CNTN4: variants seen among roughly 807,000 people sequenced by gnomAD.
The protein encoded by CNTN4 is contactin-4.
CNTN4 carries 77 observed loss-of-function variants against 122.5 expected under a neutral mutation model. The ratio of observed to expected loss-of-function variants is 0.63; its 90% CI spans 0.52 to 0.76. CNTN4 has a LOEUF of 0.76. Ranked by LOEUF, CNTN4 falls within the 30% of genes least tolerant of loss-of-function variation. CNTN4 has a pLI of 0.00. For synonymous variants in CNTN4, 512 were observed against 447.0 expected (o/e 1.15, Z -1.83); for missense variants, 1,256 against 1,259.1 (o/e 1.00, Z 0.04).
At position 2,834,844 on chromosome 3, in the gene CNTN4, G is replaced by GT. The variant is rs544464317; in HGVS notation, c.454+15267dup. 3.5e-5 allele frequency among the ~76,000 whole-genome samples: 5 copies of GT among 141,284 alleles called. No homozygotes were observed. In the South Asian group the frequency reaches 1.2e-3, roughly 34 times the overall value. 92.7% of individuals were successfully genotyped at this position (141,284 alleles called of 152,430 possible). ...AAAATAAATGAGGGCAGAATTATTA[G>GT]TTTTAGACCAAGCATTATTCAAATA... On this transcript the variant is annotated intron_variant, in intron 7 of 24. Coordinates refer to ENST00000418658, the MANE Select transcript of CNTN4 (RefSeq NM_175607.3).
intron 3 of CNTN4, among the ~76,000 whole-genome samples, chr3:2,481,051 TTCTTTCTTTCTC>T (rs1309964384): frequency 8.0e-4 from 116 of 145,312 alleles, no homozygotes; most frequent in African/African-American, 2.8e-3. Flanking sequence ...CTTTCTTTCT[TTCTTTCTTTCTC>T]TCTTTCTCTC....
chr3:2,266,363 T>G (rs947832140), intron 2 of CNTN4, among the ~76,000 whole-genome samples: 1 of 152,142 alleles, frequency 6.6e-6, no homozygotes, highest in African/African-American at 2.4e-5. Context: ...GATTTCTCCT[T>G]AAAAATGAGT....
chr3:2,558,246 G>T (rs1013644092), intron 3 of CNTN4, among the ~76,000 whole-genome samples: 6 of 152,104 alleles, frequency 3.9e-5, no homozygotes, highest in African/African-American at 1.2e-4. Flanking sequence ...ACTGACATTG[G>T]TATAACACTG....
At chr3:2,161,668 G>A (rs185963144) in intron 2 of CNTN4, among the ~76,000 whole-genome samples, 53 of 152,274 alleles carry the variant, frequency 3.5e-4, no homozygotes, top group African/African-American at 1.3e-3. Context: ...GAAAAAGACC[G>A]ATTGAAATGA....
intron 3 of CNTN4, among the ~76,000 whole-genome samples, chr3:2,448,214 A>G (rs1280683570): frequency 2.0e-5 from 3 of 152,212 alleles, no homozygotes; most frequent in Non-Finnish European, 2.9e-5. Flanking sequence ...TGGGGCACGC[A>G]AGAGAAAGAG....
intron 3 of CNTN4, among the ~76,000 whole-genome samples, chr3:2,402,942 A>G (rs982274441): frequency 2.0e-5 from 3 of 152,110 alleles, no homozygotes; most frequent in Admixed American, 2.0e-4. Context: ...TGGAGCTGCC[A>G]CAAACTGGGT....
intron 2 of CNTN4, among the ~76,000 whole-genome samples, chr3:2,101,138 C>T (rs545755178): frequency 4.6e-5 from 7 of 152,292 alleles, no homozygotes; most frequent in African/African-American, 1.2e-4. Context: ...AGAGAACAAA[C>T]CTTTCAAATG....
At chr3:2,934,466 C>G (rs1365093833) in intron 13 of CNTN4, among the ~76,000 whole-genome samples, 1 of 152,258 alleles carries the variant, frequency 6.6e-6, no homozygotes, top group Admixed American at 6.5e-5. Flanking sequence ...GGCTGCACAA[C>G]TCTGTGTTGC....
intron 2 of CNTN4, among the ~76,000 whole-genome samples, chr3:2,276,966 T>C (rs2149861664): frequency 6.6e-6 from 1 of 152,214 alleles, no homozygotes; most frequent in Non-Finnish European, 1.5e-5. Context: ...TCAGTTGCTT[T>C]AAAAAAATCC....
chr3:3,002,920 G>A (rs1696192090), intron 14 of CNTN4, among the ~76,000 whole-genome samples: 1 of 152,166 alleles, frequency 6.6e-6, no homozygotes. Context: ...TTTAAATCGT[G>A]TGGGCAGTTT....
At chr3:2,939,663 T>A (rs1213400126) in intron 13 of CNTN4, among the ~76,000 whole-genome samples, 2 of 152,206 alleles carry the variant, frequency 1.3e-5, no homozygotes, top group Admixed American at 6.5e-5. Context: ...CAAGATCACT[T>A]ACCCAAACTG....
chr3:2,709,575 A>G lies in CNTN4; in HGVS notation c.56-26640A>G, dbSNP rs1485192773. Among the ~76,000 whole-genome samples the G allele has an allele frequency of 6.6e-6, 1 of 152,184 alleles. No homozygotes were observed. The highest frequency in any genetic ancestry group is 1.5e-5 in the Non-Finnish European group (1 of 68,034). On this transcript the variant is annotated intron_variant, in intron 4 of 24. Transcript: ENST00000418658. This position sits in a 1 kb window ranked among gnomAD's most constrained non-coding sequence, Gnocchi z 5.0. Reference sequence around the variant, plus strand: ...TCTCCTTTCCAATTCCATAAAATGAACAATTTCACATATTGAAAAATGTTT... The same window carrying G: ...TCTCCTTTCCAATTCCATAAAATGAGCAATTTCACATATTGAAAAATGTTT...
intron 3 of CNTN4, among the ~76,000 whole-genome samples, chr3:2,535,817 T>C (rs1301920258): frequency 6.6e-6 from 1 of 152,146 alleles, no homozygotes; most frequent in African/African-American, 2.4e-5. Context: ...CCCCTCAAAA[T>C]AGACTGAGTC....
intron 3 of CNTN4, among the ~76,000 whole-genome samples, chr3:2,563,102 T>C (rs2079025555): frequency 6.6e-6 from 1 of 151,998 alleles, no homozygotes; most frequent in Admixed American, 6.6e-5. Flanking sequence ...TTAAATTCTT[T>C]AAGAAATCTC....
At chr3:2,103,642 G>C (rs2032180932) in intron 2 of CNTN4, among the ~76,000 whole-genome samples, 1 of 152,076 alleles carries the variant, frequency 6.6e-6, no homozygotes, top group African/African-American at 2.4e-5. Context: ...CAAAGGTATT[G>C]CTCTTTATCA....
intron 2 of CNTN4, among the ~76,000 whole-genome samples, chr3:2,288,375 G>C (rs2042016071): frequency 6.6e-6 from 1 of 151,740 alleles, no homozygotes; most frequent in Non-Finnish European, 1.5e-5. Flanking sequence ...ATAGAGGGGA[G>C]GTGGCAGGCT....
At chr3:2,434,311 T>C (rs1502580) in intron 3 of CNTN4, among the ~76,000 whole-genome samples, 44,625 of 151,742 alleles carry the variant, frequency 0.29, 7,453 homozygotes, top group East Asian at 0.62. Flanking sequence ...TTTAAAAGAA[T>C]TGAACAAATA....
chr3:2,866,351 G>T (rs569140770), intron 7 of CNTN4: 2 of 359,216 alleles, frequency 5.6e-6, no homozygotes, highest in East Asian at 1.1e-4. Flanking sequence ...CAAAAGAAAT[G>T]ATCTAAATAG....
intron 4 of CNTN4, among the ~76,000 whole-genome samples, chr3:2,644,315 T>C (rs1370985333): frequency 6.6e-6 from 1 of 152,216 alleles, no homozygotes; most frequent in East Asian, 1.9e-4. Context: ...CTTGCTCTCA[T>C]AATAAAGTAG....
Sources: gnomAD v4.1 joint callset for allele counts (sites outside exome capture counted in the v4.1 genomes callset) on GRCh38, gnomAD v4.1.1 for gene constraint, Gnocchi (gnomAD v3.1) non-coding constraint, MANE v1.5 for transcripts, NCBI Gene and HGNC (gene_info 2026-07-23, HGNC 2026-07-21) for gene names.